The following ST6GALNAC5 variants were observed in gnomAD, a reference collection of about 807,000 sequenced individuals.
ST6GALNAC5 encodes the protein ST6 N-acetylgalactosaminide alpha-2,6-sialyltransferase 5.
Under a neutral mutation model 33.6 loss-of-function variants are expected in ST6GALNAC5, and 27 were observed. The ratio of observed to expected loss-of-function variants is 0.80; its 90% CI spans 0.59 to 1.11. The LOEUF (loss-of-function observed/expected upper bound fraction) is 1.11, where lower values mean the gene tolerates loss of function less well. Ranked by LOEUF, ST6GALNAC5 falls within the 50% of genes least tolerant of loss-of-function variation. The pLI, the probability that ST6GALNAC5 is intolerant of heterozygous loss-of-function variation, is 0.00. For missense variants in ST6GALNAC5, 428 were observed against 454.0 expected (o/e 0.94, Z 0.52); for synonymous variants, 194 against 171.2 (o/e 1.13, Z -1.04).
chr1:77,047,479 T>G (rs1652057402), intron 3 of ST6GALNAC5, among the ~76,000 whole-genome samples: 1 of 152,230 alleles, frequency 6.6e-6, no homozygotes. Context: ...TGGGTGAATA[T>G]TTTGAAGAAA....
chr1:76,890,512 A>C (rs1653991778), intron 2 of ST6GALNAC5, among the ~76,000 whole-genome samples: 1 of 151,104 alleles, frequency 6.6e-6, no homozygotes, highest in Non-Finnish European at 1.5e-5. Flanking sequence ...CACTGTCTGC[A>C]ATGCCCATTC....
chr1:77,042,866 G>A (rs2100460641), intron 2 of ST6GALNAC5, among the ~76,000 whole-genome samples: 1 of 152,232 alleles, frequency 6.6e-6, no homozygotes, highest in South Asian at 2.1e-4. Context: ...GACTTGTGGA[G>A]GTTAGTGTCT....
At chr1:76,947,131 T>C (rs1172026504) in intron 2 of ST6GALNAC5, among the ~76,000 whole-genome samples, 3 of 152,232 alleles carry the variant, frequency 2.0e-5, no homozygotes, top group Admixed American at 2.0e-4. Flanking sequence ...CATTTTTTTC[T>C]TTCATTAGAC....
At chr1:76,958,345 G>C (rs1648088925) in intron 2 of ST6GALNAC5, among the ~76,000 whole-genome samples, 3 of 152,120 alleles carry the variant, frequency 2.0e-5, no homozygotes, top group Admixed American at 1.3e-4. Flanking sequence ...ACTCAGTCCG[G>C]CAGTAGTGTT....
Position 76,867,548 on chromosome 1 carries a change from C to G in ST6GALNAC5, c.-128C>G. On this transcript the variant is annotated 5_prime_UTR_variant, in exon 1 of 5. It adds an upstream start codon to the 5' untranslated region. Transcript: ENST00000477717. ...GGGTCCCGCGGCTCCCGCGCGCGAT[C>G]TGCCGCGGCCGGCTGCTGGGCAAAA... The G allele has an allele frequency of 6.7e-7, 1 of 1,499,704 alleles. No homozygotes were observed. The highest frequency in any genetic ancestry group is 1.1e-5 in the South Asian group (1 of 88,624). 92.9% of individuals were successfully genotyped at this position (1,499,704 alleles called of 1,614,324 possible).
intron 4 of ST6GALNAC5, among the ~76,000 whole-genome samples, chr1:77,062,073 G>A (rs144635975): frequency 9.2e-5 from 14 of 152,222 alleles, no homozygotes; most frequent in South Asian, 2.1e-4. Flanking sequence ...AGAAATTTGC[G>A]TTTAGCTGCT....
chr1:76,997,694 G>A, intron 2 of ST6GALNAC5, among the ~76,000 whole-genome samples: 1 of 152,118 alleles, frequency 6.6e-6, no homozygotes, highest in East Asian at 1.9e-4. Context: ...GTTCTAGATT[G>A]AAGCTAGCAT....
chr1:76,976,729 C>T (rs1649027621), intron 2 of ST6GALNAC5, among the ~76,000 whole-genome samples: 1 of 152,142 alleles, frequency 6.6e-6, no homozygotes, highest in Non-Finnish European at 1.5e-5. Context: ...TTAATTTCCT[C>T]TATTTTTATA....
intron 2 of ST6GALNAC5, among the ~76,000 whole-genome samples, chr1:76,966,172 A>T (rs900989623): frequency 2.0e-5 from 3 of 152,156 alleles, no homozygotes; most frequent in Non-Finnish European, 2.9e-5. Flanking sequence ...GATGGCATTG[A>T]ATCTATAAAT....
chr1:76,893,754 G>A (rs576874303), intron 2 of ST6GALNAC5, among the ~76,000 whole-genome samples: 3 of 152,194 alleles, frequency 2.0e-5, no homozygotes, highest in African/African-American at 2.4e-5. Flanking sequence ...TCTGCCTCCC[G>A]GGTTCAAGCG....
intron 2 of ST6GALNAC5, among the ~76,000 whole-genome samples, chr1:76,921,231 G>GA (rs1452840407): frequency 1.3e-5 from 2 of 152,028 alleles, no homozygotes; most frequent in Non-Finnish European, 2.9e-5. Flanking sequence ...TAGAAAGAGA[G>GA]AAAAACATCC....
At chr1:76,986,758 A>C (rs1247215664) in intron 2 of ST6GALNAC5, among the ~76,000 whole-genome samples, 4 of 152,226 alleles carry the variant, frequency 2.6e-5, no homozygotes, top group Non-Finnish European at 5.9e-5. Flanking sequence ...ACTTGGAACC[A>C]ATCCAAATGT....
intron 2 of ST6GALNAC5, among the ~76,000 whole-genome samples, chr1:76,913,153 G>T (rs371540045): frequency 0.03 from 4,432 of 150,004 alleles, 217 homozygotes; most frequent in African/African-American, 0.11. Flanking sequence ...GTCTGTAAAG[G>T]ATTTTATTTC....
chr1:76,971,672 A>T (rs543808439), intron 2 of ST6GALNAC5, among the ~76,000 whole-genome samples: 2 of 152,150 alleles, frequency 1.3e-5, no homozygotes, highest in African/African-American at 4.8e-5. Context: ...ACTCTTTCAG[A>T]ATACTCACAT....
chr1:76,888,631 C>G (rs1159267236), intron 2 of ST6GALNAC5, among the ~76,000 whole-genome samples: 1 of 151,722 alleles, frequency 6.6e-6, no homozygotes, highest in Non-Finnish European at 1.5e-5. Flanking sequence ...TTAAAACTCT[C>G]CTTTTCCCCT....
chr1:76,954,002 A>G (rs534913368), intron 2 of ST6GALNAC5, among the ~76,000 whole-genome samples: 1 of 152,318 alleles, frequency 6.6e-6, no homozygotes, highest in Non-Finnish European at 1.5e-5. Context: ...ACAAAAATTT[A>G]ACAATCAGTT....
chr1:76,952,257 C>T lies in ST6GALNAC5; in HGVS notation c.261+83515C>T, dbSNP rs570968173. 2.0e-5 allele frequency among the ~76,000 whole-genome samples: 3 copies of T among 152,108 alleles called. No homozygotes were observed. The South Asian group carries it at 6.2e-4, about 32-fold the overall frequency. ...AATGCAGAGCTGGAAAGAGAGGTAC[C>T]GTAGCAGGCCTTATATAACATTTTC... On this transcript the variant is annotated intron_variant, in intron 2 of 4. Transcript: ENST00000477717.
At chr1:77,004,056 A>T (rs1476235484) in intron 2 of ST6GALNAC5, among the ~76,000 whole-genome samples, 2 of 139,934 alleles carry the variant, frequency 1.4e-5, no homozygotes, top group Admixed American at 1.4e-4. Flanking sequence ...TAGATTGGGG[A>T]AGTTCTCCTG....
At chr1:76,982,749 G>A (rs1301324390) in intron 2 of ST6GALNAC5, among the ~76,000 whole-genome samples, 2 of 152,224 alleles carry the variant, frequency 1.3e-5, no homozygotes, top group East Asian at 3.9e-4. Flanking sequence ...AAAAGTATAA[G>A]GGCAGCCAGA....
Sources: allele counts gnomAD v4.1 joint callset (sites outside exome capture counted in the v4.1 genomes callset), GRCh38; gene constraint gnomAD v4.1.1; transcripts MANE v1.5; gene names NCBI Gene and HGNC (gene_info 2026-07-23, HGNC 2026-07-21).